MED25: variants seen among roughly 807,000 people sequenced by gnomAD.
MED25 encodes the protein mediator of RNA polymerase II transcription subunit 25.
Under a neutral mutation model 89.4 loss-of-function variants are expected in MED25, and 62 were observed. That is an observed-to-expected ratio of 0.69 (90% CI 0.57 to 0.86). MED25 has a LOEUF of 0.86. Ranked by LOEUF, MED25 falls within the 40% of genes least tolerant of loss-of-function variation. The pLI is 0.00. For synonymous variants in MED25, 449 were observed against 427.9 expected (o/e 1.05, Z -0.61); for missense variants, 905 against 1,005.2 (o/e 0.90, Z 1.35).
intron 3 of MED25, among the ~76,000 whole-genome samples, chr19:49,825,887 T>TCCCCATTC (rs2074012221): frequency 6.6e-6 from 1 of 151,404 alleles, no homozygotes; most frequent in Non-Finnish European, 1.5e-5. Flanking sequence ...AAGCACTAGC[T>TCCCCATTC]CCCCATTCCC....
rs1158228661 is a variant in MED25, at chr19:49,832,171, G to C, written c.1374+14G>C. On this transcript the variant is annotated intron_variant, in intron 12 of 17. Coordinates refer to ENST00000312865, the MANE Select transcript of MED25 (RefSeq NM_030973.4). ...CAGCAGCTGCTGGTGAGTGGCGGTG[G>C]AGGGCCAGCCCTGCTGCCGGGCAGT... The C allele has an allele frequency of 6.2e-7, 1 of 1,611,410 alleles. No individual in the cohort carries two copies. Among genetic ancestry groups the C allele is most frequent in the East Asian group, 2.2e-5 (1 of 44,860 alleles).
downstream of MED25, among the ~76,000 whole-genome samples, chr19:49,837,811 A>T (rs755538312): frequency 6.6e-6 from 1 of 152,180 alleles, no homozygotes; most frequent in African/African-American, 2.4e-5. Context: ...TTCAAGCCAC[A>T]GAAGCAGACA....
rs1407349502 is a variant in MED25, at chr19:49,834,883, C to T, written c.1483-103C>T. On this transcript the variant is annotated intron_variant, in intron 13 of 17. Transcript: ENST00000312865. This position sits in a 1 kb window ranked among gnomAD's most constrained non-coding sequence, Gnocchi z 4.1. Reference sequence around the variant, plus strand: ...TAACCTTCTATAGCAGAAACCTCACCTCACCTTGCCTGTGGGGCCTCTAGA... The same window carrying T: ...TAACCTTCTATAGCAGAAACCTCACTTCACCTTGCCTGTGGGGCCTCTAGA... The T allele has an allele frequency of 4.8e-5, 59 of 1,219,602 alleles. No homozygotes were observed. Among genetic ancestry groups the T allele is most frequent in the South Asian group, 2.7e-4 (22 of 82,934 alleles). 75.5% of individuals were successfully genotyped at this position (1,219,602 alleles called of 1,614,324 possible). A position where few individuals can be genotyped will look rare whatever the true frequency, so the allele number is the denominator to read the frequency against.
rs1256182017 is a variant in MED25, at chr19:49,829,087, G to A, written c.522G>A (p.Gly174=). The change falls in exon 5 of 18, where the codon GGG becomes GGA. Residue 174 remains glycine (G), a synonymous_variant. Transcript: ENST00000312865. The surrounding 1 kb of genome is among the most constrained non-coding windows in gnomAD (Gnocchi z 4.6). ...CTTENLVQQI[G]ERGIHFSIVS... ...CTGAGAATCTTGTGCAGCAGATTGG[G>A]GAGGTGAGGACTCCAGGGTCTGAGG... The A allele has an allele frequency of 6.2e-7, 1 of 1,613,574 alleles. No individual in the cohort carries two copies. The highest frequency in any genetic ancestry group is 8.5e-7 in the Non-Finnish European group (1 of 1,179,742).
At chr19:49,828,828 C>G in intron 4 of MED25, 142 bp from the exon 5 acceptor site, 1 of 1,486,052 alleles carries the variant, frequency 6.7e-7, no homozygotes, top group Non-Finnish European at 9.1e-7. Context: ...CTTGGAGCCT[C>G]AGTGTTCTCA....
In MED25 at chr19:49,829,293, CTT is replaced by C. The variant is rs935584522; in HGVS notation, c.525+206_525+207del. 6.6e-6 allele frequency among the ~76,000 whole-genome samples: 1 copy of C among 152,094 alleles called. No individual in the cohort carries two copies. The highest frequency in any genetic ancestry group is 2.4e-5 in the African/African-American group (1 of 41,416). ...ACTGGTGACCAGCTTTGCTTACTCTCTTTTCGAAACAGTCTGGCTCTGTTACC... is the reference window on the plus strand; with the variant it reads ...ACTGGTGACCAGCTTTGCTTACTCTCTTCGAAACAGTCTGGCTCTGTTACC... On this transcript the variant is annotated intron_variant, in intron 5 of 17. Coordinates refer to ENST00000312865, the MANE Select transcript of MED25 (RefSeq NM_030973.4). This position sits in a 1 kb window ranked among gnomAD's most constrained non-coding sequence, Gnocchi z 4.6.
chr19:49,823,218 T>G (rs572071751), intron 3 of MED25, among the ~76,000 whole-genome samples: 11 of 152,306 alleles, frequency 7.2e-5, no homozygotes, highest in African/African-American at 2.4e-4. Context: ...CCTCCCTAAG[T>G]GCTGGAGTGC....
chr19:49,821,884 T>A lies in MED25; in HGVS notation c.305+2588T>A, dbSNP rs543060722. The stretch of plus-strand genomic sequence containing the variant: ...TGGCTCATCCCTGTAATCCCAGCAC[T>A]TTGGGAGGCCAAGGCGGGCGAATCA... On this transcript the variant is annotated intron_variant, in intron 3 of 17. Transcript: ENST00000312865. Among the ~76,000 whole-genome samples the A allele has an allele frequency of 1.4e-3, 209 of 149,426 alleles. 3 individuals carry two copies. The highest frequency in any genetic ancestry group is 2.4e-3 in the Non-Finnish European group (164 of 67,682).
At chr19:49,825,289 C>G (rs1049228753) in intron 3 of MED25, among the ~76,000 whole-genome samples, 1 of 152,010 alleles carries the variant, frequency 6.6e-6, no homozygotes, top group African/African-American at 2.4e-5. Context: ...CTCTCTCTCT[C>G]CCAGGCTGGA....
chr19:49,837,669 G>C (rs894331248), downstream of MED25, among the ~76,000 whole-genome samples: 2 of 152,200 alleles, frequency 1.3e-5, no homozygotes, highest in African/African-American at 4.8e-5. Context: ...CCAGGCCTAC[G>C]TGATGGTAGG....
chr19:49,834,500 C>T lies in MED25; in HGVS notation c.1483-486C>T, dbSNP rs2074081424. ...CTGTGGATCAGACATCGCATAGTCA[C>T]AGCGACCCTGTGATGTGGGAGCACT... On this transcript the variant is annotated intron_variant, in intron 13 of 17. Transcript: ENST00000312865. The surrounding 1 kb of genome is among the most constrained non-coding windows in gnomAD (Gnocchi z 4.1). The T allele has an allele frequency of 4.8e-6, 1 of 209,592 alleles. No individual in the cohort carries two copies. The highest frequency in any genetic ancestry group is 1.1e-4 in the East Asian group (1 of 9,058). The allele number at this position is 209,592 out of a possible 1,614,324, so 13.0% of individuals were successfully genotyped here.
intron 3 of MED25, 37 bp from the exon 4 acceptor site, chr19:49,828,412 A>C: frequency 7.1e-7 from 1 of 1,416,418 alleles, no homozygotes; most frequent in Non-Finnish European, 9.8e-7. Flanking sequence ...GATGGGGATG[A>C]TGGCAACCCT....
chr19:49,822,399 T>C (rs2073989505), intron 3 of MED25, among the ~76,000 whole-genome samples: 1 of 151,620 alleles, frequency 6.6e-6, no homozygotes, highest in South Asian at 2.1e-4. Context: ...ACCACTGCGC[T>C]CCAGCTTGGG....
In MED25 at chr19:49,830,664, C is replaced by T. The variant is rs766771493; in HGVS notation, c.908-30C>T. ...GCAGGCCTCTCTCCACACACTTGTT[C>T]CCCACTTCTTCCCTTGGTCTCTCCC... is the stretch of plus-strand genomic sequence containing the variant. On this transcript the variant is annotated intron_variant, in intron 8 of 17. Transcript: ENST00000312865. This position sits in a 1 kb window ranked among gnomAD's most constrained non-coding sequence, Gnocchi z 4.6. The T allele has an allele frequency of 6.2e-6, 10 of 1,612,978 alleles. No homozygotes were observed. In the South Asian group the frequency reaches 1.1e-4, roughly 18 times the overall value.
chr19:49,831,531 T>C lies in MED25; in HGVS notation c.1230+70T>C, dbSNP rs138471425. 1.2e-5 allele frequency: 19 copies of C among 1,548,854 alleles called. No homozygotes were observed. The highest frequency in any genetic ancestry group is 3.5e-5 in the South Asian group (3 of 85,124). On this transcript the variant is annotated intron_variant, in intron 10 of 17. Coordinates refer to ENST00000312865, the MANE Select transcript of MED25 (RefSeq NM_030973.4). This position sits in a 1 kb window ranked among gnomAD's most constrained non-coding sequence, Gnocchi z 5.0. ...CGTGGGGCTGGGCATGTAGGACTCA[T>C]GGGGCCAGATGCGTGGGGTCTGCAG...
In MED25 at chr19:49,832,169, T is replaced by TGGAG; in HGVS notation, c.1374+15_1374+18dup. The TGGAG allele has an allele frequency of 6.2e-7, 1 of 1,611,192 alleles. No individual in the cohort carries two copies. Among genetic ancestry groups the TGGAG allele is most frequent in the Non-Finnish European group, 8.5e-7 (1 of 1,179,716 alleles). On this transcript the variant is annotated intron_variant, in intron 12 of 17. Coordinates refer to ENST00000312865, the MANE Select transcript of MED25 (RefSeq NM_030973.4). ...CCCAGCAGCTGCTGGTGAGTGGCGG[T>TGGAG]GGAGGGCCAGCCCTGCTGCCGGGCA...
chr19:49,824,169 A>C (rs1484178287), intron 3 of MED25, among the ~76,000 whole-genome samples: 1 of 152,022 alleles, frequency 6.6e-6, no homozygotes, highest in African/African-American at 2.4e-5. Context: ...TTTAATACTA[A>C]CCACCCTGGA....
intron 3 of MED25, among the ~76,000 whole-genome samples, chr19:49,828,246 CAG>C (rs1325799844): frequency 5.5e-5 from 8 of 146,766 alleles, no homozygotes; most frequent in Admixed American, 3.0e-4. Flanking sequence ...AAAAAAAACA[CAG>C]ACAGCAAATG....
intron 13 of MED25, chr19:49,832,929 C>T (rs367914628): frequency 1.8e-4 from 39 of 213,908 alleles, no homozygotes; most frequent in African/African-American, 8.7e-4. Flanking sequence ...GCTGTCTTCC[C>T]TCTGTGTGTG....
Sources: gnomAD v4.1 joint callset for allele counts (sites outside exome capture counted in the v4.1 genomes callset) on GRCh38, gnomAD v4.1.1 for gene constraint, Gnocchi (gnomAD v3.1) non-coding constraint, MANE v1.5 for transcripts, NCBI Gene and HGNC (gene_info 2026-07-23, HGNC 2026-07-21) for gene names.